Variants in TRHDE observed in about 807,000 individuals in gnomAD.
TRHDE encodes thyrotropin releasing hormone degrading enzyme.
Under a neutral mutation model 125.7 loss-of-function variants are expected in TRHDE, and 72 were observed. That is an observed-to-expected ratio of 0.57 (90% confidence interval 0.47 to 0.70). The LOEUF is 0.70. Ranked by LOEUF, TRHDE falls within the 30% of genes least tolerant of loss-of-function variation. The pLI is 0.00. For synonymous variants in TRHDE, 509 were observed against 509.1 expected (o/e 1.00, Z 0.00); for missense variants, 1,110 against 1,327.1 (o/e 0.84, Z 2.54).
chr12:72,240,312 T>C (rs972220125), intron 2 of TRHDE, among the ~76,000 whole-genome samples: 3 of 146,590 alleles, frequency 2.0e-5, no homozygotes, highest in African/African-American at 7.5e-5. Flanking sequence ...ATTTTATATA[T>C]ATATATATAT....
intron 10 of TRHDE, among the ~76,000 whole-genome samples, chr12:72,568,968 C>T (rs1395825966): frequency 6.6e-6 from 1 of 151,936 alleles, no homozygotes; most frequent in Admixed American, 6.6e-5. Context: ...ATAATTATAA[C>T]CTCAAAGAGA....
At chr12:72,610,374 T>G (rs1872589856) in intron 12 of TRHDE, among the ~76,000 whole-genome samples, 1 of 152,232 alleles carries the variant, frequency 6.6e-6, no homozygotes, top group South Asian at 2.1e-4. Context: ...ATAGTCCGTG[T>G]AGTGAGAGAA....
At chr12:72,397,083 G>A (rs1872824137) in intron 3 of TRHDE, among the ~76,000 whole-genome samples, 1 of 152,110 alleles carries the variant, frequency 6.6e-6, no homozygotes, top group Non-Finnish European at 1.5e-5. Context: ...TTCAAACACA[G>A]AACTCTTCTT....
At chr12:72,356,178 T>C (rs1870810036) in intron 2 of TRHDE, among the ~76,000 whole-genome samples, 1 of 151,710 alleles carries the variant, frequency 6.6e-6, no homozygotes, top group African/African-American at 2.4e-5. Flanking sequence ...GAGAATGTAG[T>C]ACATACACAC....
At chr12:72,153,882 G>A (rs1310265471) in intron 2 of TRHDE, among the ~76,000 whole-genome samples, 1 of 152,210 alleles carries the variant, frequency 6.6e-6, no homozygotes, top group African/African-American at 2.4e-5. Flanking sequence ...GTTGATTTGG[G>A]GTGGAGAGTT....
At chr12:72,502,002 G>A (rs924931665) in intron 6 of TRHDE, among the ~76,000 whole-genome samples, 1 of 151,910 alleles carries the variant, frequency 6.6e-6, no homozygotes, top group South Asian at 2.1e-4. Context: ...AATAACTGCA[G>A]CATCTCTAAT....
intron 2 of TRHDE, among the ~76,000 whole-genome samples, chr12:72,238,684 G>A (rs1348947741): frequency 6.6e-6 from 1 of 151,804 alleles, no homozygotes; most frequent in Non-Finnish European, 1.5e-5. Context: ...AAGAATGATG[G>A]TTTCCAGCTT....
chr12:72,397,190 G>T (rs934369455), intron 3 of TRHDE, among the ~76,000 whole-genome samples: 1 of 152,158 alleles, frequency 6.6e-6, no homozygotes, highest in Non-Finnish European at 1.5e-5. Flanking sequence ...AGTCATCCTT[G>T]ATTCATATTT....
intron 2 of TRHDE, among the ~76,000 whole-genome samples, chr12:72,154,384 A>G (rs1004700371): frequency 6.6e-6 from 1 of 152,048 alleles, no homozygotes; most frequent in African/African-American, 2.4e-5. Context: ...GGAGCATTTA[A>G]CCCATTTACA....
intron 2 of TRHDE, among the ~76,000 whole-genome samples, chr12:72,261,116 C>G (rs115330958): frequency 0.03 from 4,547 of 152,172 alleles, 235 homozygotes; most frequent in African/African-American, 0.1. Context: ...ATATTTTCCC[C>G]CTTTCTTTCC....
intron 2 of TRHDE, among the ~76,000 whole-genome samples, chr12:72,120,615 C>G (rs958777994): frequency 6.6e-6 from 1 of 151,298 alleles, no homozygotes; most frequent in Admixed American, 6.6e-5. Flanking sequence ...AACCAACTAG[C>G]AAGCAAAGAG....
chr12:72,144,443 CG>C (rs1331437458), intron 2 of TRHDE, among the ~76,000 whole-genome samples: 1 of 152,224 alleles, frequency 6.6e-6, no homozygotes, highest in African/African-American at 2.4e-5. Flanking sequence ...TTAAAGTCAT[CG>C]TTTTGCCCAA....
chr12:72,629,119 C>T (rs1218356535), intron 15 of TRHDE, among the ~76,000 whole-genome samples: 1 of 151,790 alleles, frequency 6.6e-6, no homozygotes, highest in East Asian at 1.9e-4. Context: ...CTTATAGTCA[C>T]ATTTAGTTTC....
intron 3 of TRHDE, among the ~76,000 whole-genome samples, chr12:72,426,541 A>G (rs1425484658): frequency 6.6e-6 from 1 of 152,036 alleles, no homozygotes; most frequent in Non-Finnish European, 1.5e-5. Context: ...AGGAACTATT[A>G]TTTTCCTAAT....
intron 2 of TRHDE, among the ~76,000 whole-genome samples, chr12:72,170,370 C>T (rs1876844281): frequency 2.0e-5 from 3 of 152,122 alleles, no homozygotes; most frequent in Non-Finnish European, 4.4e-5. Context: ...AAAAAGCCAA[C>T]AAGGACACGC....
At chr12:72,308,041 A>C (rs540523997) in intron 2 of TRHDE, among the ~76,000 whole-genome samples, 7 of 152,296 alleles carry the variant, frequency 4.6e-5, no homozygotes, top group African/African-American at 1.2e-4. Context: ...AATGCCTGAA[A>C]GCTTCAGTAG....
At chr12:72,474,357 T>C (rs1876791079) in intron 5 of TRHDE, among the ~76,000 whole-genome samples, 1 of 152,148 alleles carries the variant, frequency 6.6e-6, no homozygotes, top group African/African-American at 2.4e-5. Context: ...CACATTATGC[T>C]CTATAGTAGA....
intron 12 of TRHDE, among the ~76,000 whole-genome samples, chr12:72,618,314 T>A (rs1313284726): frequency 6.6e-6 from 1 of 152,138 alleles, no homozygotes; most frequent in Non-Finnish European, 1.5e-5. Flanking sequence ...TCTTTTAACA[T>A]TTTTGTAATT....
chr12:72,352,641 A>G (rs1179336858), intron 2 of TRHDE, among the ~76,000 whole-genome samples: 1 of 151,798 alleles, frequency 6.6e-6, no homozygotes, highest in African/African-American at 2.4e-5. Context: ...TGTTGTTATA[A>G]GTTACTAGAA....
Sources: gnomAD v4.1 joint callset for allele counts (sites outside exome capture counted in the v4.1 genomes callset) on GRCh38, gnomAD v4.1.1 for gene constraint, MANE v1.5 for transcripts, NCBI Gene and HGNC (gene_info 2026-07-23, HGNC 2026-07-21) for gene names.